The following ANKRD30BL variants were observed in gnomAD, a reference collection of about 807,000 sequenced individuals.
ANKRD30BL encodes the protein ankyrin repeat domain 30B like.
In ANKRD30BL, 20 loss-of-function variants were observed where a neutral mutation model predicts 18.4. The observed-to-expected ratio is 1.09, with a 90% confidence interval of 0.77 to 1.58. The LOEUF (loss-of-function observed/expected upper bound fraction) is 1.58, where lower values mean the gene tolerates loss of function less well. ANKRD30BL is among the 40% of genes most tolerant of loss of function. The pLI is 0.00. For synonymous variants in ANKRD30BL, 72 were observed against 100.9 expected (o/e 0.71, Z 1.72); for missense variants, 224 against 268.6 (o/e 0.83, Z 1.16).
At chr2:132,221,280 G>A (rs928004152) in intron 1 of ANKRD30BL, among the ~76,000 whole-genome samples, 10 of 147,722 alleles carry the variant, frequency 6.8e-5, no homozygotes, top group Non-Finnish European at 1.2e-4. Context: ...GAAGTGAGGA[G>A]CCCCTCTGCC....
intron 1 of ANKRD30BL, among the ~76,000 whole-genome samples, chr2:132,222,046 G>T (rs895200525): frequency 1.5e-5 from 2 of 134,432 alleles, no homozygotes; most frequent in African/African-American, 3.2e-5. Flanking sequence ...AGGGAGGCGG[G>T]GGGGGGGGTC....
At chr2:132,181,773 T>C (rs4399767) in intron 1 of ANKRD30BL, among the ~76,000 whole-genome samples, 80,248 of 152,018 alleles carry the variant, frequency 0.53, 21,455 homozygotes, top group South Asian at 0.61. Context: ...AGTAGACCTT[T>C]ATCTCTCATG....
intron 1 of ANKRD30BL, among the ~76,000 whole-genome samples, chr2:132,204,789 A>T (rs1373820731): frequency 6.6e-6 from 1 of 152,204 alleles, no homozygotes; most frequent in Non-Finnish European, 1.5e-5. Flanking sequence ...GAGATGGGCA[A>T]TGCTTTAAAA....
intron 1 of ANKRD30BL, among the ~76,000 whole-genome samples, chr2:132,216,415 C>T (rs1320870872): frequency 6.6e-6 from 1 of 150,472 alleles, no homozygotes; most frequent in Admixed American, 6.6e-5. Context: ...TTCATTCAAC[C>T]CACAGAGTTG....
rs1573880816 is a variant in ANKRD30BL, at chr2:132,240,273, A to G, written n.441+17256T>C. 2.0e-5 allele frequency among the ~76,000 whole-genome samples: 3 copies of G among 151,846 alleles called. No individual in the cohort carries two copies. The South Asian group carries it at 6.2e-4, about 31-fold the overall frequency. On this transcript the variant is annotated intron_variant and non_coding_transcript_variant, in intron 1 of 4. Transcript: ENST00000470729. Reference sequence around the variant, plus strand: ...AAACACTCTTCTTGTAGAATTTACAAGAGGATATTTGGACAGCATTGAGGA... The same window carrying G: ...AAACACTCTTCTTGTAGAATTTACAGGAGGATATTTGGACAGCATTGAGGA...
intron 1 of ANKRD30BL, among the ~76,000 whole-genome samples, chr2:132,182,383 G>A (rs1357144835): frequency 6.6e-6 from 1 of 151,754 alleles, no homozygotes; most frequent in Non-Finnish European, 1.5e-5. Flanking sequence ...TCAGGAGGCT[G>A]AGGCAGGAGA....
chr2:132,252,635 G>A (rs1256593283), intron 1 of ANKRD30BL, among the ~76,000 whole-genome samples: 3 of 152,102 alleles, frequency 2.0e-5, no homozygotes, highest in East Asian at 1.9e-4. Flanking sequence ...TCGCTGGGCC[G>A]CCTCCAGGGG....
At chr2:132,250,906 A>AT (rs148481505) in intron 1 of ANKRD30BL, among the ~76,000 whole-genome samples, 1 of 152,100 alleles carries the variant, frequency 6.6e-6, no homozygotes, top group African/African-American at 2.4e-5. Context: ...ATCACTTTTC[A>AT]TTTTTGGGGG....
chr2:132,158,042 G>A (rs558335343), intron 1 of ANKRD30BL, among the ~76,000 whole-genome samples: 1 of 152,036 alleles, frequency 6.6e-6, no homozygotes, highest in Non-Finnish European at 1.5e-5. Flanking sequence ...AGTATATTTT[G>A]CAGAAATTTA....
intron 1 of ANKRD30BL, among the ~76,000 whole-genome samples, chr2:132,204,383 T>A (rs1573838408): frequency 6.6e-6 from 1 of 151,946 alleles, no homozygotes; most frequent in East Asian, 1.9e-4. Flanking sequence ...AGTGGGTGTG[T>A]GTGTATATAA....
chr2:132,229,902 C>T (rs567885374), intron 1 of ANKRD30BL, among the ~76,000 whole-genome samples: 11 of 151,294 alleles, frequency 7.3e-5, no homozygotes, highest in African/African-American at 2.7e-4. Flanking sequence ...ACACTCTGTT[C>T]GCAGTATCTG....
intron 1 of ANKRD30BL, among the ~76,000 whole-genome samples, chr2:132,233,784 G>A (rs1262362774): frequency 6.7e-6 from 1 of 148,832 alleles, no homozygotes; most frequent in Non-Finnish European, 1.5e-5. Flanking sequence ...CAACGAGACA[G>A]AAAGTCAACA....
intron 1 of ANKRD30BL, among the ~76,000 whole-genome samples, chr2:132,226,579 C>T (rs1374904372): frequency 1.3e-5 from 2 of 152,058 alleles, no homozygotes; most frequent in African/African-American, 4.8e-5. Context: ...TGTGTGTTTT[C>T]ATCTCACAGA....
At chr2:132,231,975 C>A (rs1401491273) in intron 1 of ANKRD30BL, among the ~76,000 whole-genome samples, 3 of 152,218 alleles carry the variant, frequency 2.0e-5, no homozygotes, top group Non-Finnish European at 4.4e-5. Context: ...TCCCAGCATG[C>A]AGCTGGAGAT....
chr2:132,257,442 G>A (rs1479477006), intron 1 of ANKRD30BL: 1 of 306,980 alleles, frequency 3.3e-6, no homozygotes, highest in Non-Finnish European at 6.3e-6. Flanking sequence ...GACTCGGAAG[G>A]GGAAGGCGCG....
chr2:132,181,562 C>T (rs962968188), intron 1 of ANKRD30BL, among the ~76,000 whole-genome samples: 18 of 152,150 alleles, frequency 1.2e-4, no homozygotes, highest in African/African-American at 4.3e-4. Context: ...GACACACACA[C>T]ACACTCACTA....
intron 1 of ANKRD30BL, among the ~76,000 whole-genome samples, chr2:132,223,309 C>T (rs1451020676): frequency 1.3e-5 from 2 of 152,082 alleles, no homozygotes; most frequent in Non-Finnish European, 2.9e-5. Context: ...GAAGCATTCT[C>T]ACAAACTTCT....
At chr2:132,162,439 G>A (rs1688100621), upstream of ANKRD30BL, among the ~76,000 whole-genome samples, 1 of 152,092 alleles carries the variant, frequency 6.6e-6, no homozygotes, top group Non-Finnish European at 1.5e-5. Context: ...CCTTCCACCC[G>A]GGGCTCTGCT....
At chr2:132,207,189 G>A (rs1679228031) in intron 1 of ANKRD30BL, among the ~76,000 whole-genome samples, 2 of 151,896 alleles carry the variant, frequency 1.3e-5, no homozygotes, top group South Asian at 2.1e-4. Flanking sequence ...GAGGGGAGCC[G>A]CTTAAGATCA....
Sources: gnomAD v4.1 joint callset for allele counts (sites outside exome capture counted in the v4.1 genomes callset) on GRCh38, gnomAD v4.1.1 for gene constraint, MANE v1.5 for transcripts, NCBI Gene and HGNC (gene_info 2026-07-23, HGNC 2026-07-21) for gene names.